Variants in ARHGEF28 observed in about 807,000 individuals in gnomAD.
ARHGEF28 encodes 190 kDa guanine nucleotide exchange factor.
A neutral mutation model predicts 206.6 loss-of-function variants in ARHGEF28; 152 were observed. The observed-to-expected ratio is 0.74, with a 90% CI of 0.64 to 0.84. ARHGEF28 has a LOEUF of 0.84. Ranked by LOEUF, ARHGEF28 falls within the 40% of genes least tolerant of loss-of-function variation. The pLI is 0.00. For synonymous variants in ARHGEF28, 763 were observed against 776.4 expected, an observed-to-expected ratio of 0.98 and a Z score of 0.29; for missense variants, 2,028 against 2,073.2, an observed-to-expected ratio of 0.98 and a Z score of 0.42.
At chr5:73,680,434 C>CAAAAAAA (rs71615795) in intron 1 of ARHGEF28, among the ~76,000 whole-genome samples, 1 of 30,510 alleles carries the variant, frequency 3.3e-5, no homozygotes. Flanking sequence ...GACTCCATCT[C>CAAAAAAA]AAAAAAAAAA....
chr5:73,715,427 G>C (rs536439004), intron 2 of ARHGEF28, among the ~76,000 whole-genome samples: 1 of 152,272 alleles, frequency 6.6e-6, no homozygotes, highest in East Asian at 1.9e-4. Context: ...TAAGGACCAA[G>C]AGAGGAAATG....
intron 4 of ARHGEF28, among the ~76,000 whole-genome samples, chr5:73,753,716 A>T (rs2112405658): frequency 6.6e-6 from 1 of 152,346 alleles, no homozygotes; most frequent in South Asian, 2.1e-4. Context: ...CTAAAGACCA[A>T]ATGGACTCTG....
chr5:73,922,064 T>A (rs1028097748), intron 35 of ARHGEF28, among the ~76,000 whole-genome samples: 3 of 152,242 alleles, frequency 2.0e-5, no homozygotes, highest in Non-Finnish European at 1.5e-5. Context: ...GGTGATTTTA[T>A]GTTCTGTTTT....
At chr5:73,718,293 C>T (rs187307379) in intron 2 of ARHGEF28, among the ~76,000 whole-genome samples, 36 of 152,322 alleles carry the variant, frequency 2.4e-4, no homozygotes, top group Admixed American at 6.5e-4. Flanking sequence ...TCCTCCTGAT[C>T]CCCTGTCTGC....
At chr5:73,929,801 A>G (rs1017299757) in intron 35 of ARHGEF28, among the ~76,000 whole-genome samples, 12 of 152,216 alleles carry the variant, frequency 7.9e-5, no homozygotes, top group African/African-American at 2.9e-4. Context: ...TGATTTCCAC[A>G]GTATGTGTCT....
chr5:73,704,201 G>A (rs1234235524), intron 2 of ARHGEF28, among the ~76,000 whole-genome samples: 1 of 152,066 alleles, frequency 6.6e-6, no homozygotes, highest in Non-Finnish European at 1.5e-5. Context: ...GATGTTAACA[G>A]CCCTTTGGGA....
At chr5:73,724,574 C>T (rs1179348154) in intron 2 of ARHGEF28, among the ~76,000 whole-genome samples, 2 of 152,180 alleles carry the variant, frequency 1.3e-5, no homozygotes, top group African/African-American at 4.8e-5. Flanking sequence ...TTCCTCTAAC[C>T]TCAATCCCTG....
At chr5:73,907,384 G>A (rs1218576005) in intron 33 of ARHGEF28, among the ~76,000 whole-genome samples, 5 of 152,134 alleles carry the variant, frequency 3.3e-5, no homozygotes, top group African/African-American at 1.2e-4. Context: ...AACACATTAG[G>A]TTAAACCAAC....
intron 16 of ARHGEF28, among the ~76,000 whole-genome samples, chr5:73,863,899 C>G (rs1759547117): frequency 6.6e-6 from 1 of 152,118 alleles, no homozygotes; most frequent in Non-Finnish European, 1.5e-5. Context: ...AATGCCTCTT[C>G]AGACCTGCAG....
intron 1 of ARHGEF28, among the ~76,000 whole-genome samples, chr5:73,667,068 C>T (rs1417195708): frequency 2.6e-5 from 4 of 152,146 alleles, no homozygotes; most frequent in African/African-American, 9.7e-5. Context: ...GGAGGGGCAG[C>T]ATCAGGTAGT....
intron 2 of ARHGEF28, among the ~76,000 whole-genome samples, chr5:73,721,242 G>T (rs1443259640): frequency 6.6e-6 from 1 of 152,184 alleles, no homozygotes; most frequent in Non-Finnish European, 1.5e-5. Context: ...TCCTGCCATG[G>T]TGTCTGTGGG....
chr5:73,784,146 ACCCT>A (rs1003551231), intron 7 of ARHGEF28, among the ~76,000 whole-genome samples: 5 of 151,850 alleles, frequency 3.3e-5, no homozygotes, highest in Non-Finnish European at 7.4e-5. Context: ...AACCAAACAA[ACCCT>A]AAAGCAAACT....
At chr5:73,929,329 ATAAG>A (rs1763984911) in intron 35 of ARHGEF28, among the ~76,000 whole-genome samples, 1 of 152,222 alleles carries the variant, frequency 6.6e-6, no homozygotes, top group Admixed American at 6.5e-5. Flanking sequence ...AACAGTATCT[ATAAG>A]TATTTATTCA....
At chr5:73,705,444 TTTTTA>T (rs1264810936) in intron 2 of ARHGEF28, among the ~76,000 whole-genome samples, 1 of 152,232 alleles carries the variant, frequency 6.6e-6, no homozygotes, top group Non-Finnish European at 1.5e-5. Context: ...GCTGTTTTTC[TTTTTA>T]AACTATGTGA....
intron 9 of ARHGEF28, among the ~76,000 whole-genome samples, chr5:73,797,010 C>G (rs1485375275): frequency 1.3e-5 from 2 of 152,204 alleles, no homozygotes; most frequent in Non-Finnish European, 2.9e-5. Context: ...TAAAAACTCA[C>G]TCTAGTTTCA....
chr5:73,890,610 G>A (rs1025649820), intron 26 of ARHGEF28, among the ~76,000 whole-genome samples: 4 of 152,150 alleles, frequency 2.6e-5, no homozygotes, highest in Non-Finnish European at 4.4e-5. Context: ...TCTGAGAAGC[G>A]TGGGGTGAGG....
At chr5:73,938,335 T>C (rs767264875) in intron 35 of ARHGEF28, among the ~76,000 whole-genome samples, 1 of 152,212 alleles carries the variant, frequency 6.6e-6, no homozygotes, top group South Asian at 2.1e-4. Context: ...CTTGAAGCCA[T>C]TAAGGGGATT....
At chr5:73,729,465 A>G (rs114246860) in intron 2 of ARHGEF28, among the ~76,000 whole-genome samples, 3,323 of 152,326 alleles carry the variant, frequency 0.022, 128 homozygotes, top group African/African-American at 0.076. Flanking sequence ...AGAGTGAAAC[A>G]TTCATGTTTG....
At chr5:73,778,969 G>T (rs943335767) in intron 6 of ARHGEF28, among the ~76,000 whole-genome samples, 11 of 152,132 alleles carry the variant, frequency 7.2e-5, no homozygotes, top group Admixed American at 2.6e-4. Context: ...TTCTCCAAGG[G>T]GACATGTTTA....
Sources: allele counts gnomAD v4.1 joint callset (sites outside exome capture counted in the v4.1 genomes callset), GRCh38; gene constraint gnomAD v4.1.1; transcripts MANE v1.5; gene names NCBI Gene and HGNC (gene_info 2026-07-23, HGNC 2026-07-21).